SLC24A2: variants seen among roughly 807,000 people sequenced by gnomAD.
SLC24A2 encodes the protein sodium/potassium/calcium exchanger 2.
SLC24A2 carries 36 observed loss-of-function variants against 62.0 expected under a neutral mutation model. The ratio of observed to expected loss-of-function variants is 0.58; its 90% CI spans 0.44 to 0.77. The LOEUF is 0.77. Ranked by LOEUF, SLC24A2 falls within the 30% of genes least tolerant of loss-of-function variation. The pLI, the probability that SLC24A2 is intolerant of heterozygous loss-of-function variation, is 0.00. For synonymous variants in SLC24A2, 358 were observed against 294.0 expected (o/e 1.22, Z -2.23); for missense variants, 846 against 817.9 (o/e 1.03, Z -0.42).
rs1439328428 is a variant in SLC24A2 at position 19,636,273 on chromosome 9, CTTCTCTTCTTCTCTTCTT to C, written c.931-13992_931-13975del. Among the ~76,000 whole-genome samples the C allele has an allele frequency of 5.3e-4, 16 of 30,348 alleles. 1 individual carries two copies. Among genetic ancestry groups the C allele is most frequent in the African/African-American group, 1.5e-3 (13 of 8,962 alleles). 19.9% of individuals were successfully genotyped at this position (30,348 alleles called of 152,430 possible). A position where few individuals can be genotyped will look rare whatever the true frequency, so the allele number is the denominator to read the frequency against. ...AGGTGTCCTTTTCTTTTCTTCTCTT[CTTCTCTTCTTCTCTTCTT>C]TTCTTTTCTTTTCTTTTCTTTTCTT... On this transcript the variant is annotated intron_variant, in intron 2 of 10. Transcript: ENST00000341998.
the SLC24A2 span, among the ~76,000 whole-genome samples, chr9:19,996,776 A>G: frequency 1.3e-5 from 2 of 150,460 alleles, no homozygotes; most frequent in Non-Finnish European, 3.0e-5. Flanking sequence ...AAGGAGATCC[A>G]TCATGATTAT....
chr9:19,986,454 C>T, the SLC24A2 span, among the ~76,000 whole-genome samples: 1 of 152,106 alleles, frequency 6.6e-6, no homozygotes, highest in African/African-American at 2.4e-5. Flanking sequence ...CCTAAAAGAA[C>T]TGCAAGCAAG....
At chr9:19,854,148 C>G in the SLC24A2 span, among the ~76,000 whole-genome samples, 2 of 152,048 alleles carry the variant, frequency 1.3e-5, no homozygotes, top group African/African-American at 4.8e-5. Flanking sequence ...TGGTGATATC[C>G]TTTTTTATCA....
chr9:19,815,959 C>CTTTTTTTTTTTTTTT, the SLC24A2 span, among the ~76,000 whole-genome samples: 1 of 103,430 alleles, frequency 9.7e-6, no homozygotes, highest in African/African-American at 3.5e-5. Context: ...TTTTTTGCCC[C>CTTTTTTTTTTTTTTT]TTTTTTTTTT....
chr9:19,719,042 T>A (rs1260267682), intron 2 of SLC24A2, among the ~76,000 whole-genome samples: 3 of 152,222 alleles, frequency 2.0e-5, no homozygotes, highest in Non-Finnish European at 4.4e-5. Context: ...GGAGTCTCAG[T>A]CACCTCTCTT....
At chr9:19,567,323 G>C (rs931320039) in intron 7 of SLC24A2, among the ~76,000 whole-genome samples, 1 of 151,782 alleles carries the variant, frequency 6.6e-6, no homozygotes, top group Admixed American at 6.6e-5. Flanking sequence ...GAGGTGGGTG[G>C]ATCACCAGGT....
At position 19,528,178 on chromosome 9, in the gene SLC24A2, T is replaced by A. The variant is rs778462804; in HGVS notation, c.1480-40A>T. ...GGAAGAGTTGAGAATATCAGTGTTA[T>A]CCATTGAGACTGATCTGGAAATCCA... On this transcript the variant is annotated intron_variant, in intron 8 of 10. Transcript: ENST00000341998. 3.8e-6 allele frequency: 5 copies of A among 1,303,342 alleles called. No homozygotes were observed. In the South Asian group the frequency reaches 6.3e-5, roughly 16 times the overall value. The allele number at this position is 1,303,342 out of a possible 1,614,324, so 80.7% of individuals were successfully genotyped here. A position where few individuals can be genotyped will look rare whatever the true frequency, so the allele number is the denominator to read the frequency against.
rs546649197 is a variant in SLC24A2 at position 19,787,254 on chromosome 9, C to G, written c.-153-235G>C. ...GTAGCACTTAGTATGGGATGTGGCA[C>G]TTATGAAGATGTATGTATAAACCCA... On this transcript the variant is annotated intron_variant, in intron 1 of 10. Coordinates refer to ENST00000341998, the MANE Select transcript of SLC24A2 (RefSeq NM_020344.4). Among the ~76,000 whole-genome samples the G allele has an allele frequency of 2.6e-5, 4 of 152,198 alleles. No individual in the cohort carries two copies. The East Asian group carries it at 7.7e-4, about 29-fold the overall frequency.
chr9:19,848,346 G>T, the SLC24A2 span, among the ~76,000 whole-genome samples: 107,867 of 151,948 alleles, frequency 0.71, 38,518 homozygotes, highest in Non-Finnish European at 0.74. Context: ...TGGGTTCAAA[G>T]TTTGGCTCTG....
rs148030856 is a variant in SLC24A2 at position 19,666,304 on chromosome 9, G to T, written c.931-44005C>A. ...ACTTGTAGTCCCAGCTACTCAAGAG[G>T]CTGAGGTGGAAGGATCACCTGAGCC... On this transcript the variant is annotated intron_variant, in intron 2 of 10. Coordinates refer to ENST00000341998, the MANE Select transcript of SLC24A2 (RefSeq NM_020344.4). 1.4e-4 allele frequency among the ~76,000 whole-genome samples: 21 copies of T among 152,246 alleles called. No homozygotes were observed. The East Asian group carries it at 4.1e-3, about 29-fold the overall frequency.
intron 2 of SLC24A2, among the ~76,000 whole-genome samples, chr9:19,721,403 A>G (rs117362184): frequency 0.017 from 2,594 of 152,250 alleles, 48 homozygotes; most frequent in South Asian, 0.034. Flanking sequence ...GAAATTACTT[A>G]TTATTTTGGA....
the SLC24A2 span, among the ~76,000 whole-genome samples, chr9:20,274,032 C>A: frequency 6.6e-6 from 1 of 152,130 alleles, no homozygotes; most frequent in South Asian, 2.1e-4. Flanking sequence ...TCCCCAATAC[C>A]TACTGATGTA....
intron 2 of SLC24A2, among the ~76,000 whole-genome samples, chr9:19,775,602 A>G (rs1234630594): frequency 6.6e-6 from 1 of 152,180 alleles, no homozygotes; most frequent in Non-Finnish European, 1.5e-5. Context: ...GAAGATTAGC[A>G]TGGATTTATA....
the SLC24A2 span, among the ~76,000 whole-genome samples, chr9:20,203,528 A>C: frequency 1.2e-4 from 18 of 152,134 alleles, no homozygotes; most frequent in Admixed American, 1.2e-3. Context: ...CTCCCTTACT[A>C]ACAGTCCATG....
chr9:19,755,584 C>G (rs1190750329), intron 2 of SLC24A2, among the ~76,000 whole-genome samples: 1 of 152,138 alleles, frequency 6.6e-6, no homozygotes, highest in African/African-American at 2.4e-5. Flanking sequence ...CCAGGCCTGT[C>G]CAACGGTGCT....
the SLC24A2 span, among the ~76,000 whole-genome samples, chr9:20,129,583 A>G: frequency 3.6e-4 from 55 of 152,278 alleles, no homozygotes; most frequent in East Asian, 7.9e-3. Context: ...ACATAATTGA[A>G]TATTATTCAC....
chr9:20,002,739 A>G, the SLC24A2 span, among the ~76,000 whole-genome samples: 501 of 152,314 alleles, frequency 3.3e-3, 1 homozygote, highest in Non-Finnish European at 5.3e-3. Flanking sequence ...GTCTTCTTCC[A>G]TATATAGAAC....
At chr9:19,847,017 G>T in the SLC24A2 span, among the ~76,000 whole-genome samples, 2 of 151,930 alleles carry the variant, frequency 1.3e-5, no homozygotes, top group Non-Finnish European at 2.9e-5. Context: ...GCAAAATCCA[G>T]TCTCTTAAAA....
chr9:19,778,550 A>T (rs906765980), intron 2 of SLC24A2, among the ~76,000 whole-genome samples: 3 of 152,138 alleles, frequency 2.0e-5, no homozygotes, highest in East Asian at 3.8e-4. Flanking sequence ...GAAGATGGGG[A>T]AGAAAGATGA....
Sources: gnomAD v4.1 joint callset for allele counts (sites outside exome capture counted in the v4.1 genomes callset) on GRCh38, gnomAD v4.1.1 for gene constraint, MANE v1.5 for transcripts, NCBI Gene and HGNC (gene_info 2026-07-23, HGNC 2026-07-21) for gene names.